EXOC6: variants seen among roughly 807,000 people sequenced by gnomAD.
EXOC6 encodes the protein exocyst complex component 6.
A neutral mutation model predicts 112.5 loss-of-function variants in EXOC6; 60 were observed. The observed-to-expected ratio is 0.53, with a 90% CI of 0.43 to 0.66. The LOEUF is 0.66. Among genes scored for constraint, EXOC6 ranks in the 30% least tolerant of loss-of-function variants. EXOC6 has a pLI of 0.00. For missense variants in EXOC6, 855 were observed against 957.1 expected, an observed-to-expected ratio of 0.89 and a Z score of 1.41; for synonymous variants, 295 against 308.0, an observed-to-expected ratio of 0.96 and a Z score of 0.44.
At chr10:92,859,247 C>G (rs1847781042) in intron 1 of EXOC6, among the ~76,000 whole-genome samples, 1 of 152,142 alleles carries the variant, frequency 6.6e-6, no homozygotes, top group Admixed American at 6.5e-5. Flanking sequence ...TGTTTAGTGG[C>G]TTGTTTGGAC....
intron 1 of EXOC6, among the ~76,000 whole-genome samples, chr10:92,851,609 C>T (rs1847338613): frequency 6.6e-6 from 1 of 151,604 alleles, no homozygotes; most frequent in African/African-American, 2.4e-5. Flanking sequence ...GAGATTATGC[C>T]ACTACTCTCT....
At chr10:92,934,832 A>G (rs951028075) in intron 11 of EXOC6, among the ~76,000 whole-genome samples, 1 of 152,094 alleles carries the variant, frequency 6.6e-6, no homozygotes, top group African/African-American at 2.4e-5. Flanking sequence ...AATACACTAT[A>G]ATAATGAATT....
intron 19 of EXOC6, among the ~76,000 whole-genome samples, chr10:93,002,601 C>CT (rs1210971664): frequency 6.6e-6 from 1 of 152,090 alleles, no homozygotes; most frequent in Non-Finnish European, 1.5e-5. Flanking sequence ...TGGACCTCTC[C>CT]TTTGTATCTA....
At chr10:92,896,171 ATATATATATATTTTTTTTTTTTTTTTT>A (rs1849793412) in intron 4 of EXOC6, among the ~76,000 whole-genome samples, 8 of 25,222 alleles carry the variant, frequency 3.2e-4, no homozygotes, top group African/African-American at 1.0e-3. Context: ...ATATATATAT[ATATATATATATTTTTTTTTTTTTTTTT>A]TTTTTTTTTT....
chr10:92,888,598 A>G (rs1358852748), intron 1 of EXOC6, among the ~76,000 whole-genome samples: 4 of 152,270 alleles, frequency 2.6e-5, no homozygotes, highest in African/African-American at 9.6e-5. Context: ...TTTTGCTCCA[A>G]TGTGATAATT....
intron 8 of EXOC6, among the ~76,000 whole-genome samples, chr10:92,924,716 T>C (rs1851614240): frequency 1.3e-5 from 2 of 152,232 alleles, no homozygotes; most frequent in Non-Finnish European, 2.9e-5. Flanking sequence ...GGGGTACAAG[T>C]GGCTTTTGGT....
intron 13 of EXOC6, among the ~76,000 whole-genome samples, chr10:92,946,894 C>G (rs1034308060): frequency 5.9e-5 from 9 of 152,164 alleles, no homozygotes; most frequent in African/African-American, 1.7e-4. Context: ...CTGATAGTCA[C>G]TTCCTTCTTT....
At chr10:92,953,164 G>T (rs1050020120) in intron 15 of EXOC6, among the ~76,000 whole-genome samples, 1 of 151,962 alleles carries the variant, frequency 6.6e-6, no homozygotes, top group Non-Finnish European at 1.5e-5. Context: ...CTGCAGCCTC[G>T]ATCTCCTGGG....
intron 17 of EXOC6, among the ~76,000 whole-genome samples, chr10:92,971,327 AG>A (rs1842287385): frequency 6.7e-6 from 1 of 150,112 alleles, no homozygotes. Flanking sequence ...TACAGGCGTG[AG>A]GCACCACGCC....
intron 18 of EXOC6, among the ~76,000 whole-genome samples, chr10:92,975,515 G>A (rs1388852436): frequency 6.7e-6 from 1 of 150,024 alleles, no homozygotes; most frequent in African/African-American, 2.5e-5. Flanking sequence ...GCCCCGTCCA[G>A]GAGGGAGGTG....
At chr10:93,030,062 C>T (rs1027540609) in intron 20 of EXOC6, among the ~76,000 whole-genome samples, 8 of 152,184 alleles carry the variant, frequency 5.3e-5, no homozygotes, top group African/African-American at 1.9e-4. Flanking sequence ...GCATGTGCCA[C>T]CACGCCCGGC....
intron 1 of EXOC6, among the ~76,000 whole-genome samples, chr10:92,872,784 C>T (rs1350296721): frequency 6.6e-6 from 1 of 151,878 alleles, no homozygotes. Context: ...GTGTAAAGCT[C>T]AATTAATTTT....
chr10:92,983,062 C>T (rs961586005), intron 18 of EXOC6, among the ~76,000 whole-genome samples: 1 of 152,158 alleles, frequency 6.6e-6, no homozygotes, highest in Admixed American at 6.5e-5. Context: ...GAGAATTCAG[C>T]ACTATCTTGA....
At chr10:93,049,872 G>A (rs938688591) in intron 20 of EXOC6, among the ~76,000 whole-genome samples, 1 of 152,282 alleles carries the variant, frequency 6.6e-6, no homozygotes, top group Middle Eastern at 3.4e-3. Flanking sequence ...TAGGCCAGAA[G>A]ACCACATGTT....
intron 19 of EXOC6, among the ~76,000 whole-genome samples, chr10:93,010,080 A>T (rs1342601419): frequency 1.3e-5 from 2 of 152,362 alleles, no homozygotes; most frequent in East Asian, 3.9e-4. Context: ...AGAAACAACA[A>T]GATTGACTGC....
chr10:93,058,023 A>C (rs1245433211), intron 21 of EXOC6, among the ~76,000 whole-genome samples, 200 bp from the exon 22 acceptor site: 1 of 152,194 alleles, frequency 6.6e-6, no homozygotes, highest in Non-Finnish European at 1.5e-5. Context: ...ACCACTTAAC[A>C]TAGAATGTAA....
At chr10:92,896,478 T>G (rs1244400425) in intron 4 of EXOC6, among the ~76,000 whole-genome samples, 1 of 151,344 alleles carries the variant, frequency 6.6e-6, no homozygotes, top group Non-Finnish European at 1.5e-5. Flanking sequence ...ATTACAGGTG[T>G]GAGCCACTGC....
chr10:92,866,933 T>C (rs1350820966), intron 1 of EXOC6, among the ~76,000 whole-genome samples: 4 of 152,188 alleles, frequency 2.6e-5, no homozygotes, highest in Admixed American at 1.3e-4. Flanking sequence ...TAAGTACTTA[T>C]TTGTATCAAT....
intron 20 of EXOC6, among the ~76,000 whole-genome samples, chr10:93,048,880 T>A (rs4917898): frequency 0.13 from 19,656 of 152,106 alleles, 1,402 homozygotes; most frequent in African/African-American, 0.18. Context: ...TTTATCCCAA[T>A]TGCCAAAAGA....
Sources: allele counts gnomAD v4.1 joint callset (sites outside exome capture counted in the v4.1 genomes callset), GRCh38; gene constraint gnomAD v4.1.1; transcripts MANE v1.5; gene names NCBI Gene and HGNC (gene_info 2026-07-23, HGNC 2026-07-21).